Variants in DLG2 observed in about 807,000 individuals in gnomAD.
DLG2 encodes the protein disks large homolog 2.
DLG2 carries 45 observed loss-of-function variants against 132.5 expected under a neutral mutation model. The observed-to-expected ratio is 0.34, with a 90% CI of 0.27 to 0.44. The LOEUF is 0.44. DLG2 is among the 20% of genes least tolerant of loss of function. The probability of loss-of-function intolerance (pLI) is 1.00; values close to 1 mark genes in which losing one functional copy is unlikely to be tolerated. For synonymous variants in DLG2, 424 were observed against 419.6 expected (o/e 1.01, Z -0.13); for missense variants, 1,045 against 1,196.9 (o/e 0.87, Z 1.87).
chr11:83,800,148 T>G (rs1277112566), intron 17 of DLG2, among the ~76,000 whole-genome samples: 1 of 152,142 alleles, frequency 6.6e-6, no homozygotes, highest in Non-Finnish European at 1.5e-5. Flanking sequence ...GTGCTAGGGT[T>G]GAAGGCACTG....
At chr11:83,821,145 G>A (rs1470245706) in intron 17 of DLG2, among the ~76,000 whole-genome samples, 1 of 152,218 alleles carries the variant, frequency 6.6e-6, no homozygotes. Flanking sequence ...TAGCTGGAAA[G>A]TTCACATCTC....
At chr11:84,729,560 T>C (rs1374360909) in intron 6 of DLG2, among the ~76,000 whole-genome samples, 2 of 152,120 alleles carry the variant, frequency 1.3e-5, no homozygotes, top group South Asian at 2.1e-4. Context: ...TTCTGTTGAA[T>C]TGGAGTGGAG....
chr11:85,376,207 TTATAGGAA>T (rs1037552441), intron 3 of DLG2, among the ~76,000 whole-genome samples: 5 of 152,198 alleles, frequency 3.3e-5, no homozygotes, highest in Non-Finnish European at 7.3e-5. Context: ...ATGCAAATTG[TTATAGGAA>T]TATAGAGGGA....
intron 8 of DLG2, among the ~76,000 whole-genome samples, chr11:84,219,727 G>T (rs1268191926): frequency 6.6e-6 from 1 of 152,130 alleles, no homozygotes; most frequent in African/African-American, 2.4e-5. Context: ...GCTTACATAT[G>T]TGCGCCTGCA....
intron 8 of DLG2, among the ~76,000 whole-genome samples, chr11:84,233,220 A>AG (rs1397268109): frequency 2.6e-5 from 4 of 152,204 alleles, no homozygotes; most frequent in Non-Finnish European, 4.4e-5. Context: ...GGTGATGGTC[A>AG]GGTAGTTAAC....
intron 3 of DLG2, among the ~76,000 whole-genome samples, chr11:85,369,181 T>C (rs536265030): frequency 6.6e-6 from 1 of 152,194 alleles, no homozygotes; most frequent in South Asian, 2.1e-4. Context: ...TTCTTCCTTT[T>C]TCAGGATGGA....
chr11:84,886,495 A>G lies in DLG2; in HGVS notation c.357+225166T>C, dbSNP rs148487708. Reference sequence around the variant, plus strand: ...CTTGGGAAGCCTTGAAGAAATGACTATGCTTACCCACAAACATCTCTTGGC... The same window carrying G: ...CTTGGGAAGCCTTGAAGAAATGACTGTGCTTACCCACAAACATCTCTTGGC... On this transcript the variant is annotated intron_variant, in intron 6 of 27. Coordinates refer to ENST00000376104, the MANE Select transcript of DLG2 (RefSeq NM_001142699.3). Among the ~76,000 whole-genome samples, 580 of 152,256 alleles carry G rather than the reference A, an allele frequency of 3.8e-3. 1 individual carries two copies. The highest frequency in any genetic ancestry group is 0.025 in the South Asian group (119 of 4,832).
intron 6 of DLG2, among the ~76,000 whole-genome samples, chr11:84,903,841 T>A (rs1394693175): frequency 6.6e-6 from 1 of 152,122 alleles, no homozygotes; most frequent in Admixed American, 6.6e-5. Context: ...GCAAGTTACA[T>A]CCACCTCAGA....
chr11:85,624,327 C>T (rs1259464080), intron 2 of DLG2, among the ~76,000 whole-genome samples: 1 of 152,192 alleles, frequency 6.6e-6, no homozygotes, highest in Non-Finnish European at 1.5e-5. Context: ...TCTCCTCTCT[C>T]TTTGACAAAA....
At chr11:83,864,481 T>C (rs2061963338) in intron 16 of DLG2, among the ~76,000 whole-genome samples, 2 of 152,298 alleles carry the variant, frequency 1.3e-5, no homozygotes, top group East Asian at 1.9e-4. Flanking sequence ...ATGGTGCTTG[T>C]CCCCTGCAAA....
At chr11:85,594,561 G>A (rs2079595485) in intron 3 of DLG2, among the ~76,000 whole-genome samples, 1 of 152,068 alleles carries the variant, frequency 6.6e-6, no homozygotes, top group South Asian at 2.1e-4. Context: ...GTTGAAATCT[G>A]TGAAATATAT....
chr11:83,785,941 A>G (rs1208906150), intron 18 of DLG2, among the ~76,000 whole-genome samples: 5 of 152,182 alleles, frequency 3.3e-5, no homozygotes, highest in Non-Finnish European at 1.5e-5. Flanking sequence ...TTTTAATAAC[A>G]AGATCTGACC....
At chr11:85,143,453 A>T (rs2076630765) in intron 5 of DLG2, among the ~76,000 whole-genome samples, 2 of 151,410 alleles carry the variant, frequency 1.3e-5, no homozygotes, top group Admixed American at 1.3e-4. Flanking sequence ...TCTGGCTAAA[A>T]GTTTGTTGAT....
chr11:84,159,354 T>C (rs2095497136), intron 9 of DLG2, among the ~76,000 whole-genome samples: 1 of 152,224 alleles, frequency 6.6e-6, no homozygotes, highest in Non-Finnish European at 1.5e-5. Context: ...GAAATGCTAC[T>C]AATTTAATTA....
At chr11:84,687,209 G>C (rs372660328) in intron 6 of DLG2, 1 of 152,106 alleles carries the variant, frequency 6.6e-6, no homozygotes, top group African/African-American at 2.4e-5. Context: ...AGACATACTT[G>C]GTCCAAATTC....
chr11:83,792,146 C>T (rs2041743299), intron 17 of DLG2, among the ~76,000 whole-genome samples: 2 of 152,078 alleles, frequency 1.3e-5, no homozygotes, highest in Admixed American at 1.3e-4. Context: ...AGTGAGATCC[C>T]TCTTGATGTT....
intron 3 of DLG2, among the ~76,000 whole-genome samples, chr11:85,379,836 G>T (rs567584114): frequency 6.6e-6 from 1 of 152,250 alleles, no homozygotes; most frequent in Non-Finnish European, 1.5e-5. Context: ...ATGCTAAATG[G>T]TGGTGGTACT....
intron 12 of DLG2, among the ~76,000 whole-genome samples, chr11:83,979,974 A>C (rs1250814486): frequency 6.6e-6 from 1 of 152,194 alleles, no homozygotes; most frequent in African/African-American, 2.4e-5. Context: ...ATGTCAACAA[A>C]ATAGATACAT....
Position 84,428,080 on chromosome 11 carries a change from GC to G in DLG2, c.519+106489del, listed in dbSNP as rs576754085. On this transcript the variant is annotated intron_variant, in intron 7 of 27. Transcript: ENST00000376104. ...TGGGTGAATAGTTTGCATTCATTTT[GC>G]CTCCTCTGTAGCTTAGACAACTATA... 1.6e-4 allele frequency among the ~76,000 whole-genome samples: 25 copies of G among 152,122 alleles called. No homozygotes were observed. In the East Asian group the frequency reaches 4.4e-3, roughly 27 times the overall value.
Sources: allele counts gnomAD v4.1 joint callset (sites outside exome capture counted in the v4.1 genomes callset), GRCh38; gene constraint gnomAD v4.1.1; transcripts MANE v1.5; gene names NCBI Gene and HGNC (gene_info 2026-07-23, HGNC 2026-07-21).